ABCG2: variants seen among roughly 807,000 people sequenced by gnomAD.
The protein encoded by ABCG2 is broad substrate specificity ATP-binding cassette transporter ABCG2.
ABCG2 carries 80 observed loss-of-function variants against 73.5 expected under a neutral mutation model. The ratio of observed to expected loss-of-function variants is 1.09; its 90% CI spans 0.91 to 1.31. The LOEUF (loss-of-function observed/expected upper bound fraction) is 1.31, where lower values mean the gene tolerates loss of function less well. Ranked by LOEUF, ABCG2 falls within the 50% of genes most tolerant of loss-of-function variation. The pLI is 0.00. For synonymous variants in ABCG2, 269 were observed against 282.4 expected, an observed-to-expected ratio of 0.95 and a Z score of 0.48; for missense variants, 796 against 786.2, an observed-to-expected ratio of 1.01 and a Z score of -0.15.
At chr4:88,120,639 T>G (rs1420382724) in intron 6 of ABCG2, among the ~76,000 whole-genome samples, 1 of 152,150 alleles carries the variant, frequency 6.6e-6, no homozygotes, top group Non-Finnish European at 1.5e-5. Context: ...TTTGGCCAAT[T>G]TCTCCCATTT....
intron 1 of ABCG2, among the ~76,000 whole-genome samples, chr4:88,164,853 C>T (rs1727452389): frequency 6.6e-6 from 1 of 152,140 alleles, no homozygotes; most frequent in Non-Finnish European, 1.5e-5. Flanking sequence ...TCTCAGCTCG[C>T]CACAACCTCC....
At chr4:88,204,314 G>T (rs552855346) in intron 1 of ABCG2, among the ~76,000 whole-genome samples, 1 of 152,242 alleles carries the variant, frequency 6.6e-6, no homozygotes, top group South Asian at 2.1e-4. Context: ...CCAGCTACTC[G>T]GGAGGCTGAG....
Position 88,099,450 on chromosome 4 carries a change from T to G in ABCG2, c.1368-2A>C, listed in dbSNP as rs756597117. The G allele has an allele frequency of 6.3e-7, 1 of 1,595,422 alleles. No homozygotes were observed. The highest frequency in any genetic ancestry group is 2.2e-5 in the East Asian group (1 of 44,664). ...TAGTATCCGCTGATGTATTCATGTC[T>G]ATAGAACAAAAATACGTATCATACA... is the stretch of plus-strand genomic sequence containing the variant. On this transcript the variant is annotated splice_acceptor_variant, in intron 11 of 15. Transcript: ENST00000237612. LOFTEE classifies it high-confidence loss of function.
intron 15 of ABCG2, among the ~76,000 whole-genome samples, chr4:88,093,703 T>C (rs1721800332): frequency 1.3e-5 from 2 of 152,134 alleles, no homozygotes; most frequent in Non-Finnish European, 2.9e-5. Flanking sequence ...GGATTTCCTG[T>C]GGACAATTCA....
chr4:88,112,041 G>A (rs1350999630), intron 9 of ABCG2, among the ~76,000 whole-genome samples: 2 of 151,120 alleles, frequency 1.3e-5, no homozygotes, highest in Non-Finnish European at 1.5e-5. Context: ...AGCTATGATT[G>A]CACCACTGCA....
rs373210773 is a variant in ABCG2, at chr4:88,097,581, A to C, written c.1519T>G (p.Phe507Val). ...LGLKPKADAF[F>V]VMMFTLMMVA... ...ATCATAAGGGTAAACATCATAACGA[A>C]GAAGGCATCTGCCTTTGGCTTCAAT... The change falls in exon 13 of 16, where the codon TTC (phenylalanine) becomes GTC (valine). Residue 507 changes from phenylalanine to valine, a missense_variant. Coordinates refer to ENST00000237612, the MANE Select transcript of ABCG2 (RefSeq NM_004827.3). 4.3e-6 allele frequency: 7 copies of C among 1,614,012 alleles called. No homozygotes were observed. In the Admixed American group the frequency reaches 1.0e-4, roughly 23 times the overall value.
intron 11 of ABCG2, 34 bp downstream of exon 11, chr4:88,101,196 G>A: frequency 6.3e-7 from 1 of 1,594,734 alleles, no homozygotes; most frequent in Non-Finnish European, 8.6e-7. Flanking sequence ...CCTGCTGCTG[G>A]ACAGCCCCGT....
chr4:88,114,670 C>T (rs1723402242), intron 8 of ABCG2, among the ~76,000 whole-genome samples: 1 of 151,570 alleles, frequency 6.6e-6, no homozygotes, highest in African/African-American at 2.4e-5. Flanking sequence ...CTACTATATG[C>T]AAATGCATAT....
At chr4:88,163,776 C>A (rs1727407748), upstream of ABCG2, 1 of 385,534 alleles carries the variant, frequency 2.6e-6, no homozygotes, top group Non-Finnish European at 5.2e-6. Flanking sequence ...GTGTTAATAC[C>A]AGGTTCAACA....
In ABCG2 at chr4:88,175,738, T is replaced by C. The variant is rs373419091; in HGVS notation, c.-19-35724A>G. On this transcript the variant is annotated intron_variant, in intron 1 of 15. Transcript: ENST00000515655. ...AGTTAGTAGTCTCCGCGTGCATTCT[T>C]GCTTTCTAGCATAACAACATGTTCC... Among the ~76,000 whole-genome samples the C allele has an allele frequency of 6.9e-4, 105 of 152,376 alleles. 7 individuals carry two copies. In the South Asian group the frequency reaches 0.02, roughly 29 times the overall value.
chr4:88,175,999 C>A (rs1481014), intron 1 of ABCG2, among the ~76,000 whole-genome samples: 36,256 of 152,098 alleles, frequency 0.24, 5,714 homozygotes, highest in African/African-American at 0.45. Flanking sequence ...TGTTTCCAAT[C>A]CTCCATATAT....
upstream of ABCG2, among the ~76,000 whole-genome samples, chr4:88,162,004 C>T (rs920159718): frequency 7.9e-5 from 12 of 151,572 alleles, no homozygotes; most frequent in Non-Finnish European, 1.8e-4. Context: ...CCTTCGCCCA[C>T]TTTTTGATGG....
chr4:88,151,608 G>A (rs1726487861), intron 1 of ABCG2, among the ~76,000 whole-genome samples: 1 of 152,002 alleles, frequency 6.6e-6, no homozygotes, highest in African/African-American at 2.4e-5. Flanking sequence ...CGTGGTGGAG[G>A]GGCGCCGGTA....
At chr4:88,193,884 A>T (rs1001132868) in intron 1 of ABCG2, among the ~76,000 whole-genome samples, 1 of 152,096 alleles carries the variant, frequency 6.6e-6, no homozygotes, top group African/African-American at 2.4e-5. Context: ...AGCTGGGACT[A>T]CAGGCATCTG....
Position 88,091,078 on chromosome 4 carries a change from C to T in ABCG2, c.*1156G>A, listed in dbSNP as rs1721615500. On this transcript the variant is annotated 3_prime_UTR_variant, in exon 16 of 16. Coordinates refer to ENST00000237612, the MANE Select transcript of ABCG2 (RefSeq NM_004827.3). ...ATAACAGCAACAGAGGGAAATACAT[C>T]AAGTGTCATTTCAAAAATAACCCAG... is the stretch of plus-strand genomic sequence containing the variant. 6.6e-6 allele frequency: 1 copy of T among 152,184 alleles called. No homozygotes were observed. Among genetic ancestry groups the T allele is most frequent in the Non-Finnish European group, 1.5e-5 (1 of 68,034 alleles). The allele number at this position is 152,184 out of a possible 1,614,324, so 9.4% of individuals were successfully genotyped here.
intron 8 of ABCG2, among the ~76,000 whole-genome samples, chr4:88,113,878 C>G (rs757774536): frequency 6.6e-6 from 1 of 152,016 alleles, no homozygotes; most frequent in African/African-American, 2.4e-5. Flanking sequence ...GCAAGAGAAT[C>G]GCTTGAACCA....
rs568111575 is a variant in ABCG2 at position 88,124,377 on chromosome 4, TAA to T, written c.532-2587_532-2586del. Among the ~76,000 whole-genome samples the T allele has an allele frequency of 1.5e-4, 23 of 152,228 alleles. No homozygotes were observed. The South Asian group carries it at 4.4e-3, about 29-fold the overall frequency. On this transcript the variant is annotated intron_variant, in intron 5 of 15. Coordinates refer to ENST00000237612, the MANE Select transcript of ABCG2 (RefSeq NM_004827.3). ...AAAAGACACAGACTAGCAAATTGGA[TAA>T]AGAGTCAAGACCCATCGGTGTGCTG... is the stretch of plus-strand genomic sequence containing the variant.
upstream of ABCG2, chr4:88,163,913 T>C (rs1392396754): frequency 6.3e-6 from 1 of 159,066 alleles, no homozygotes; most frequent in Non-Finnish European, 1.4e-5. Context: ...TGGTTACCTA[T>C]ATACTTGTTA....
At chr4:88,118,389 T>C in intron 6 of ABCG2, 129 bp from the exon 7 acceptor site, 1 of 949,066 alleles carries the variant, frequency 1.1e-6, no homozygotes, top group Non-Finnish European at 1.5e-6. Context: ...TAACTTTTCA[T>C]CTCATATTAT....
Sources: allele counts gnomAD v4.1 joint callset (sites outside exome capture counted in the v4.1 genomes callset), GRCh38; gene constraint gnomAD v4.1.1; transcripts MANE v1.5; gene names NCBI Gene and HGNC (gene_info 2026-07-23, HGNC 2026-07-21).